PPEF1: variants seen among roughly 807,000 people sequenced by gnomAD.
PPEF1 encodes the protein serine/threonine-protein phosphatase with EF-hands 1.
In PPEF1, 12 loss-of-function variants were observed where a neutral mutation model predicts 53.3. The observed-to-expected ratio is 0.23, with a 90% CI of 0.14 to 0.36. The LOEUF (loss-of-function observed/expected upper bound fraction) is 0.36, where lower values mean the gene tolerates loss of function less well. Ranked by LOEUF, PPEF1 falls within the 10% of genes least tolerant of loss-of-function variation. The pLI is 1.00. For missense variants in PPEF1, 334 were observed against 490.4 expected (o/e 0.68, Z 3.01); for synonymous variants, 165 against 176.7 (o/e 0.93, Z 0.52).
chrX:18,824,059 T>C lies in PPEF1; in HGVS notation c.1638T>C (p.Asn546=). 8.3e-7 allele frequency: 1 copy of C among 1,202,318 alleles called. No individual in the cohort carries two copies. The highest frequency in any genetic ancestry group is 1.1e-6 in the Non-Finnish European group (1 of 889,258). ...TTGAATACATGTCCAGCTTCCAGAA[T>C]ATCCGCATTGAAAAACCTGTACAAG... ...GNVEYMSSFQ[N]IRIEKPVQEA... The change falls in exon 14 of 16, where the codon AAT becomes AAC. Residue 546 remains asparagine (N), a synonymous_variant. Transcript: ENST00000470157.
chrX:18,764,070 C>T (rs967330785), intron 6 of PPEF1, among the ~76,000 whole-genome samples: 8 of 111,503 alleles, frequency 7.2e-5, no homozygotes, highest in Non-Finnish European at 1.3e-4. Flanking sequence ...GAATGCTGAC[C>T]GACTGTGTCA....
At chrX:18,774,967 T>A (rs1391862002) in intron 6 of PPEF1, among the ~76,000 whole-genome samples, 4 of 110,977 alleles carry the variant, frequency 3.6e-5, no homozygotes, top group Non-Finnish European at 7.6e-5. Flanking sequence ...ATAGAAAATG[T>A]TCTCTCATAT....
chrX:18,733,696 C>T, intron 2 of PPEF1, 52 bp from the exon 3 acceptor site: 3 of 1,008,681 alleles, frequency 3.0e-6, no homozygotes, highest in Non-Finnish European at 4.1e-6. Context: ...GCATTTGTCA[C>T]AGTAGCTGTT....
intron 3 of PPEF1, among the ~76,000 whole-genome samples, chrX:18,735,454 T>A (rs1355646227): frequency 8.9e-6 from 1 of 111,770 alleles, no homozygotes; most frequent in Non-Finnish European, 1.9e-5. Context: ...GTGGTATTAT[T>A]TCTGAGGACT....
rs781168967 is a variant in PPEF1 at position 18,779,129 on chromosome X, C to T, written c.678C>T (p.Asp226=). ...LCVSFLVYPN[D]LHLNRGNHED... is the part of the protein sequence containing the mutation. The stretch of plus-strand genomic sequence containing the variant: ...TGAGTTTTCTTGTCTACCCCAATGA[C>T]CTGCACTTGAACAGAGGGAACCACG... The change falls in exon 7 of 16, where the codon GAC becomes GAT. Residue 226 remains aspartate (D), a synonymous_variant. Coordinates refer to ENST00000470157, the MANE Select transcript of PPEF1 (RefSeq NM_001377996.1). 8 of 1,206,999 alleles carry T rather than the reference C, an allele frequency of 6.6e-6. No individual in the cohort carries two copies. The Admixed American group carries it at 1.5e-4, about 23-fold the overall frequency.
Position 18,804,023 on chromosome X carries a change from C to T in PPEF1, c.1197C>T (p.Leu399=), listed in dbSNP as rs1272972532. ...KILNKYQLKM[L]IRSHECKPEG... Reference sequence around the variant, plus strand: ...TTAATAAATACCAGTTGAAGATGCTCATCAGGTCTCATGAATGTAAGCCCG... The same window carrying T: ...TTAATAAATACCAGTTGAAGATGCTTATCAGGTCTCATGAATGTAAGCCCG... Residue 399 remains leucine, a synonymous_variant, in exon 11 of 16, where the codon CTC becomes CTT. Transcript: ENST00000470157. 2.5e-6 allele frequency: 3 copies of T among 1,203,048 alleles called. No homozygotes were observed. The highest frequency in any genetic ancestry group is 3.4e-6 in the Non-Finnish European group (3 of 890,184).
intron 3 of PPEF1, among the ~76,000 whole-genome samples, chrX:18,741,423 C>T (rs369668628): frequency 9.0e-6 from 1 of 111,467 alleles, no homozygotes; most frequent in African/African-American, 3.3e-5. Context: ...TAAAAAATTC[C>T]GTAGGTGATT....
intron 13 of PPEF1, among the ~76,000 whole-genome samples, chrX:18,823,688 G>GA (rs200313223): frequency 3.5e-4 from 37 of 107,164 alleles, no homozygotes; most frequent in Admixed American, 6.1e-4. Context: ...CAAAAAAAAG[G>GA]AAAAAAAAAA....
chrX:18,735,268 A>G (rs1158630145), intron 3 of PPEF1, among the ~76,000 whole-genome samples: 5 of 111,683 alleles, frequency 4.5e-5, no homozygotes, highest in East Asian at 5.6e-4. Flanking sequence ...TAGGTCTAAC[A>G]TTTAAGTCTT....
intron 13 of PPEF1, among the ~76,000 whole-genome samples, chrX:18,821,903 A>G (rs1341790263): frequency 9.0e-6 from 1 of 111,445 alleles, no homozygotes; most frequent in Non-Finnish European, 1.9e-5. Context: ...CCTACTCCCA[A>G]TCAAGAGATG....
At chrX:18,821,222 C>CAA (rs55725180) in intron 13 of PPEF1, among the ~76,000 whole-genome samples, 3 of 55,190 alleles carry the variant, frequency 5.4e-5, no homozygotes, top group African/African-American at 2.4e-4. Flanking sequence ...GACTCTGTCT[C>CAA]AAAAAAAAAA....
At chrX:18,788,158 A>T (rs1002351393) in intron 9 of PPEF1, among the ~76,000 whole-genome samples, 8 of 109,821 alleles carry the variant, frequency 7.3e-5, no homozygotes, top group Admixed American at 6.8e-4. Flanking sequence ...CTTCTAAAAA[A>T]TAGAAAAAAT....
At chrX:18,787,027 C>T (rs918372453) in intron 9 of PPEF1, among the ~76,000 whole-genome samples, 18 of 111,218 alleles carry the variant, frequency 1.6e-4, no homozygotes, top group South Asian at 1.1e-3. Context: ...AGAAATTCAA[C>T]TTGTATATTG....
At chrX:18,811,616 T>TATA (rs1491463250) in intron 12 of PPEF1, among the ~76,000 whole-genome samples, 2 of 10,261 alleles carry the variant, frequency 1.9e-4, no homozygotes, top group Non-Finnish European at 4.7e-4. Flanking sequence ...TATATATATA[T>TATA]TTTTTTTTTT....
chrX:18,782,340 A>G lies in PPEF1; in HGVS notation c.726-26A>G, dbSNP rs1245403868. 5.2e-6 allele frequency: 6 copies of G among 1,148,786 alleles called. 1 individual carries two copies. The South Asian group carries it at 5.8e-5, about 11-fold the overall frequency. The allele number at this position is 1,148,786 out of a possible 1,213,427, so 94.7% of individuals were successfully genotyped here. A position where few individuals can be genotyped will look rare whatever the true frequency, so the allele number is the denominator to read the frequency against. On this transcript the variant is annotated intron_variant, in intron 7 of 15. Transcript: ENST00000470157. ...GGAAGTAGGCGTTATCAACAATCAA[A>G]TCATTTAAATCCCATTTTTTTTTAG...
At chrX:18,698,231 C>T (rs1929841438) in intron 5 of PPEF1, among the ~76,000 whole-genome samples, 1 of 112,203 alleles carries the variant, frequency 8.9e-6, no homozygotes, top group African/African-American at 3.2e-5. Context: ...TGGAGGCTGA[C>T]CATAAGACCC....
At chrX:18,735,563 A>G (rs2044956845) in intron 3 of PPEF1, among the ~76,000 whole-genome samples, 1 of 111,784 alleles carries the variant, frequency 8.9e-6, no homozygotes, top group Non-Finnish European at 1.9e-5. Flanking sequence ...AGGTAGCGTG[A>G]TGCCTCCAGC....
chrX:18,821,494 G>GC (rs1400054740), intron 13 of PPEF1, among the ~76,000 whole-genome samples: 1 of 110,707 alleles, frequency 9.0e-6, no homozygotes, highest in African/African-American at 3.3e-5. Flanking sequence ...TGCAACCTCC[G>GC]CCTACCAGGT....
intron 2 of PPEF1, among the ~76,000 whole-genome samples, chrX:18,685,318 A>G (rs1275843579): frequency 8.9e-6 from 1 of 112,116 alleles, no homozygotes. Context: ...AAGCAAAACC[A>G]ATTAGTAGGT....
Sources: gnomAD v4.1 joint callset for allele counts (sites outside exome capture counted in the v4.1 genomes callset) on GRCh38, gnomAD v4.1.1 for gene constraint, MANE v1.5 for transcripts, NCBI Gene and HGNC (gene_info 2026-07-23, HGNC 2026-07-21) for gene names.